NINL: variants seen among roughly 807,000 people sequenced by gnomAD.
NINL encodes the protein ninein like.
NINL carries 153 observed loss-of-function variants against 160.3 expected under a neutral mutation model. The ratio of observed to expected loss-of-function variants is 0.95; its 90% CI spans 0.84 to 1.09. NINL has a LOEUF of 1.09. Among genes scored for constraint, NINL ranks in the 50% least tolerant of loss-of-function variants. The probability of loss-of-function intolerance (pLI) is 0.00; values close to 1 mark genes in which losing one functional copy is unlikely to be tolerated. For missense variants in NINL, 1,829 were observed against 1,764.0 expected (o/e 1.04, Z -0.66); for synonymous variants, 800 against 734.8 (o/e 1.09, Z -1.43).
intron 5 of NINL, among the ~76,000 whole-genome samples, chr20:25,506,176 G>C (rs1194197580): frequency 6.6e-6 from 1 of 152,190 alleles, no homozygotes; most frequent in Non-Finnish European, 1.5e-5. Flanking sequence ...GCAGAGAACT[G>C]CATGGACCCA....
chr20:25,550,098 G>C (rs979381370), intron 1 of NINL, among the ~76,000 whole-genome samples: 2 of 152,236 alleles, frequency 1.3e-5, no homozygotes, highest in Non-Finnish European at 2.9e-5. Flanking sequence ...AAGAAAAAAG[G>C]GGGTGGATAC....
chr20:25,581,979 C>T (rs1413238659), intron 1 of NINL, among the ~76,000 whole-genome samples: 1 of 152,198 alleles, frequency 6.6e-6, no homozygotes, highest in Non-Finnish European at 1.5e-5. Flanking sequence ...CAAGTCCGGC[C>T]AGGCGTGGTG....
intron 23 of NINL, among the ~76,000 whole-genome samples, chr20:25,454,804 CATCTA>C (rs921798314): frequency 6.6e-6 from 1 of 152,184 alleles, no homozygotes; most frequent in Non-Finnish European, 1.5e-5. Flanking sequence ...GGACTTCGAA[CATCTA>C]CAGACCAGGT....
rs1408266210 is a variant in NINL at position 25,470,059 on chromosome 20, CAA to C, written c.3283_3284del (p.Leu1095ValfsTer13). On this transcript the variant is annotated frameshift_variant, in exon 18 of 24. Coordinates refer to ENST00000278886, the MANE Select transcript of NINL (RefSeq NM_025176.6). LOFTEE classifies it high-confidence loss of function. Reference protein sequence around the residue: ...EFHRLSEENTLLKNDLGRVRQ... With the variant: ...EFHRLSEENTXLKNDLGRVRQ... ...GAACCCTTCCCAGATCGTTTTTCAA[CAA>C]AGTGTTTTCTTCAGAAAGTCTATGG... 2.5e-6 allele frequency: 4 copies of C among 1,614,030 alleles called. No individual in the cohort carries two copies. The highest frequency in any genetic ancestry group is 3.4e-6 in the Non-Finnish European group (4 of 1,180,018).
At chr20:25,481,936 G>C in intron 14 of NINL, 32 bp downstream of exon 14, 2 of 1,587,726 alleles carry the variant, frequency 1.3e-6, no homozygotes, top group Non-Finnish European at 1.7e-6. Flanking sequence ...AGCAGGCCTT[G>C]GGTCAGCCCC....
At chr20:25,469,591 G>C (rs747173526) in intron 18 of NINL, among the ~76,000 whole-genome samples, 1 of 151,902 alleles carries the variant, frequency 6.6e-6, no homozygotes, top group Non-Finnish European at 1.5e-5. Context: ...AGGCAGAGCT[G>C]AAGCTGTTAT....
At chr20:25,488,971 G>C in intron 13 of NINL, 1 of 466,238 alleles carries the variant, frequency 2.1e-6, no homozygotes, top group South Asian at 2.9e-5. Flanking sequence ...AGACGGACAC[G>C]CATGGCAGGT....
intron 1 of NINL, among the ~76,000 whole-genome samples, chr20:25,555,229 T>A (rs1314907470): frequency 1.3e-5 from 2 of 152,166 alleles, no homozygotes; most frequent in East Asian, 1.9e-4. Context: ...CCTAACCCTG[T>A]GACACTGTCA....
rs961923529 is a variant in NINL, at chr20:25,530,499, G to T, written c.-11-3901C>A. Among the ~76,000 whole-genome samples, 3 of 152,170 alleles carry T rather than the reference G, an allele frequency of 2.0e-5. No homozygotes were observed. The East Asian group carries it at 5.8e-4, about 29-fold the overall frequency. On this transcript the variant is annotated intron_variant, in intron 1 of 23. Transcript: ENST00000278886. ...TTGTATGGGCATATGTAATCTGAGG[G>T]GCAGGGGAGTATCGGGGAAAATTCA...
At chr20:25,474,959 T>C (rs1404416533) in intron 17 of NINL, among the ~76,000 whole-genome samples, 2 of 151,870 alleles carry the variant, frequency 1.3e-5, no homozygotes, top group Non-Finnish European at 2.9e-5. Context: ...ATTTTTGTAT[T>C]TTTAGTAGAG....
intron 21 of NINL, among the ~76,000 whole-genome samples, chr20:25,459,942 G>A (rs1266112559): frequency 6.6e-6 from 1 of 152,168 alleles, no homozygotes; most frequent in Non-Finnish European, 1.5e-5. Flanking sequence ...TCTGGGTGCT[G>A]GAGTGAGGCA....
intron 1 of NINL, among the ~76,000 whole-genome samples, chr20:25,546,092 C>T (rs1271459980): frequency 6.6e-6 from 1 of 151,838 alleles, no homozygotes; most frequent in Admixed American, 6.6e-5. Context: ...ATGCATAAGA[C>T]AGAGTCGTGC....
chr20:25,527,214 C>T (rs1464663339), intron 1 of NINL, among the ~76,000 whole-genome samples: 1 of 151,512 alleles, frequency 6.6e-6, no homozygotes, highest in Non-Finnish European at 1.5e-5. Flanking sequence ...AGTGCAGTAG[C>T]GTAATCTCAG....
chr20:25,458,242 C>T (rs1255248565), intron 22 of NINL, 141 bp downstream of exon 22: 11 of 1,164,130 alleles, frequency 9.4e-6, no homozygotes, highest in Non-Finnish European at 1.3e-5. Flanking sequence ...TCTCTCCCTA[C>T]AGCCTTCCTT....
chr20:25,457,637 T>C (rs1361829513), intron 22 of NINL, among the ~76,000 whole-genome samples: 1 of 152,244 alleles, frequency 6.6e-6, no homozygotes, highest in Non-Finnish European at 1.5e-5. Flanking sequence ...TTTCAAGTCG[T>C]GCGCCAATTC....
intron 6 of NINL, 103 bp from the exon 7 acceptor site, chr20:25,504,207 C>T (rs546298806): frequency 1.6e-6 from 2 of 1,252,160 alleles, no homozygotes; most frequent in Non-Finnish European, 2.2e-6. Flanking sequence ...AAGTACCCAA[C>T]AAGGGCCGTT....
At chr20:25,490,097 C>T in intron 11 of NINL, 112 bp from the exon 12 acceptor site, 1 of 962,342 alleles carries the variant, frequency 1.0e-6, no homozygotes, top group Non-Finnish European at 1.6e-6. Flanking sequence ...GAAAGAACCC[C>T]CACCCACCGC....
chr20:25,515,711 T>C (rs2064148631), intron 3 of NINL, among the ~76,000 whole-genome samples: 1 of 152,148 alleles, frequency 6.6e-6, no homozygotes, highest in African/African-American at 2.4e-5. Context: ...CCCTTGCTGT[T>C]TTTGTGACAG....
intron 7 of NINL, 43 bp downstream of exon 7, chr20:25,503,909 C>G (rs1486081878): frequency 6.2e-7 from 1 of 1,611,932 alleles, no homozygotes; most frequent in East Asian, 2.2e-5. Context: ...CAGAGAGTGA[C>G]AGCAGTGGTT....
Sources: gnomAD v4.1 joint callset for allele counts (sites outside exome capture counted in the v4.1 genomes callset) on GRCh38, gnomAD v4.1.1 for gene constraint, MANE v1.5 for transcripts, NCBI Gene and HGNC (gene_info 2026-07-23, HGNC 2026-07-21) for gene names.